Variants in IL31RA observed in about 807,000 individuals in gnomAD.
IL31RA encodes the protein interleukin 31 receptor A.
IL31RA carries 66 observed loss-of-function variants against 83.7 expected under a neutral mutation model. That is an observed-to-expected ratio of 0.79 (90% CI 0.65 to 0.97). The LOEUF is 0.97. IL31RA is among the 50% of genes least tolerant of loss of function. The probability of loss-of-function intolerance (pLI) is 0.00; values close to 1 mark genes in which losing one functional copy is unlikely to be tolerated. For missense variants in IL31RA, 798 were observed against 919.4 expected (o/e 0.87, Z 1.71); for synonymous variants, 325 against 329.0 (o/e 0.99, Z 0.13).
intron 2 of IL31RA, among the ~76,000 whole-genome samples, chr5:55,867,316 T>TGC (rs757948929): frequency 2.2e-4 from 33 of 148,546 alleles, no homozygotes; most frequent in African/African-American, 7.0e-4. Flanking sequence ...TGTGTGTGTG[T>TGC]GCGTGTGTGT....
chr5:55,853,554 CCT>C (rs1745184106), intron 1 of IL31RA: 1 of 1,550,810 alleles, frequency 6.4e-7, no homozygotes. Flanking sequence ...TGGAACATCC[CCT>C]GATACATGAA....
rs201339871 is a variant in IL31RA, at chr5:55,922,393, T to C, written c.*5273T>C. ...ATACTTGTACTATGCATTTCATTTT[T>C]AGGACTAGAATTCTGTCTTCCTGCC... On this transcript the variant is annotated 3_prime_UTR_variant, in exon 15 of 15. Transcript: ENST00000652347. 608 of 1,550,362 alleles carry C rather than the reference T, an allele frequency of 3.9e-4. 1 individual carries two copies. The highest frequency in any genetic ancestry group is 2.4e-4 in the Admixed American group (12 of 51,000).
At chr5:55,844,200 T>G in the IL31RA span, among the ~76,000 whole-genome samples, 1 of 152,064 alleles carries the variant, frequency 6.6e-6, no homozygotes, top group Admixed American at 6.5e-5. Context: ...TTTAAAGTGT[T>G]AAGAGAAAAA....
upstream of IL31RA, among the ~76,000 whole-genome samples, chr5:55,848,628 C>A (rs1240216277): frequency 6.6e-6 from 1 of 152,116 alleles, no homozygotes. Flanking sequence ...TGATGACCAT[C>A]CTTGATGTTA....
rs1353755475 is a variant in IL31RA, at chr5:55,920,166, A to G, written c.*3046A>G. 1.3e-5 allele frequency among the ~76,000 whole-genome samples: 2 copies of G among 152,222 alleles called. No individual in the cohort carries two copies. Among genetic ancestry groups the G allele is most frequent in the South Asian group, 2.1e-4 (1 of 4,818 alleles). On this transcript the variant is annotated 3_prime_UTR_variant, in exon 15 of 15. Transcript: ENST00000652347. Reference sequence around the variant, plus strand: ...CACGCAAGGGTCTGGAGGAGGCAGGAGATGGGGAGAGATGAAAAAGGAGAG... The same window carrying G: ...CACGCAAGGGTCTGGAGGAGGCAGGGGATGGGGAGAGATGAAAAAGGAGAG...
At chr5:55,913,079 TTTTTTGTTTTTG>T (rs140635074) in intron 12 of IL31RA, among the ~76,000 whole-genome samples, 34,129 of 151,292 alleles carry the variant, frequency 0.23, 4,742 homozygotes, top group East Asian at 0.47. Flanking sequence ...CAAAATTCTG[TTTTTTGTTTTTG>T]TTTTTGTTTT....
chr5:55,921,085 C>T lies in IL31RA; in HGVS notation c.*3965C>T, dbSNP rs1158070402. On this transcript the variant is annotated 3_prime_UTR_variant, in exon 15 of 15. Transcript: ENST00000652347. ...TGAGGCTGAGAAGTCGTGGCCTGAA[C>T]TACCCTCTGCCTTCTAGATCCACAC... Among the ~76,000 whole-genome samples the T allele has an allele frequency of 6.6e-6, 1 of 151,960 alleles. No individual in the cohort carries two copies. Among genetic ancestry groups the T allele is most frequent in the Admixed American group, 6.5e-5 (1 of 15,270 alleles).
Position 55,914,913 on chromosome 5 carries a change from T to TGG in IL31RA, c.1804_1805dup (p.Asp603GlufsTer8). Reference sequence around the variant, plus strand: ...CTGAAAGTAGTATAGCCACATGGCATGGAGATGATTTCAAGGTAAACTCTC... The same window carrying TGG: ...CTGAAAGTAGTATAGCCACATGGCATGGGGAGATGATTTCAAGGTAAACTCTC... On this transcript the variant is annotated frameshift_variant, in exon 14 of 15. Transcript: ENST00000652347. LOFTEE classifies it low-confidence loss of function (END_TRUNC). The TGG allele has an allele frequency of 6.2e-7, 1 of 1,612,452 alleles. No individual in the cohort carries two copies. Among genetic ancestry groups the TGG allele is most frequent in the Non-Finnish European group, 8.5e-7 (1 of 1,178,400 alleles).
chr5:55,849,068 T>C (rs1744995986), upstream of IL31RA, among the ~76,000 whole-genome samples: 1 of 152,202 alleles, frequency 6.6e-6, no homozygotes, highest in South Asian at 2.1e-4. Flanking sequence ...TAAAATATAA[T>C]TTTACATTTT....
chr5:55,876,938 T>C (rs964412663), intron 4 of IL31RA, among the ~76,000 whole-genome samples: 1 of 152,140 alleles, frequency 6.6e-6, no homozygotes, highest in African/African-American at 2.4e-5. Flanking sequence ...TCTGTGTATT[T>C]GGGTTGGAGA....
rs1747358870 is a variant in IL31RA, at chr5:55,883,181, A to G, written c.592A>G (p.Asn198Asp). The stretch of plus-strand genomic sequence containing the variant: ...ATACACACTTCGATTCAGGACAGTC[A>G]ACAGTACCAGCTGGGTAAGTTATGC... ...LKYTLRFRTV[N>D]STSWMEVNFA... Residue 198 changes from asparagine (N) to aspartate (D), a missense_variant, in exon 5 of 15, where the codon AAC becomes GAC. Asn to Asp is a conservative substitution (Grantham distance 23). Transcript: ENST00000652347. 8.1e-6 allele frequency: 13 copies of G among 1,613,896 alleles called. No individual in the cohort carries two copies. The East Asian group carries it at 1.8e-4, about 22-fold the overall frequency.
intron 2 of IL31RA, among the ~76,000 whole-genome samples, chr5:55,867,312 T>C (rs1263158436): frequency 1.7e-4 from 25 of 150,066 alleles, no homozygotes; most frequent in African/African-American, 6.2e-4. Flanking sequence ...TGCGTGTGTG[T>C]GTGTGCGTGT....
the IL31RA span, among the ~76,000 whole-genome samples, chr5:55,842,677 C>T: frequency 6.6e-6 from 1 of 152,292 alleles, no homozygotes; most frequent in East Asian, 1.9e-4. Flanking sequence ...ATTTATAGCA[C>T]TTTGTTTACG....
the IL31RA span, among the ~76,000 whole-genome samples, chr5:55,844,230 T>C: frequency 6.6e-6 from 1 of 152,180 alleles, no homozygotes; most frequent in African/African-American, 2.4e-5. Flanking sequence ...CAACCTAGAA[T>C]TGTTTATCCT....
intron 5 of IL31RA, 32 bp from the exon 6 acceptor site, chr5:55,889,938 C>T (rs1048059853): frequency 1.9e-6 from 3 of 1,609,308 alleles, no homozygotes; most frequent in Middle Eastern, 1.7e-4. Flanking sequence ...GTGTGGTCTC[C>T]ATTTCAGTTT....
chr5:55,910,532 C>G lies in IL31RA; in HGVS notation c.1502C>G (p.Ser501Cys). ...FYQAEGGKGF[S>C]KTVNSSILQY... ...TTTGACCTTTGTATTTTTCCTTTAG[C>G]CAAGACAGTCAATTCCAGCATCTTG... The change falls in exon 12 of 15, where the codon TCC becomes TGC. Residue 501 changes from serine to cysteine, a missense_variant and splice_region_variant. By Grantham distance (112) the Ser-to-Cys change is moderately radical (BLOSUM62 -1). Coordinates refer to ENST00000652347, the MANE Select transcript of IL31RA (RefSeq NM_139017.7). 1 of 1,614,082 alleles carries G rather than the reference C, an allele frequency of 6.2e-7. No homozygotes were observed. The highest frequency in any genetic ancestry group is 8.5e-7 in the Non-Finnish European group (1 of 1,180,002).
At chr5:55,864,932 C>T (rs943408362) in intron 2 of IL31RA, among the ~76,000 whole-genome samples, 1 of 152,120 alleles carries the variant, frequency 6.6e-6, no homozygotes, top group African/African-American at 2.4e-5. Flanking sequence ...ATGCACTGTA[C>T]ACGCACTGCC....
rs1044498621 is a variant in IL31RA, at chr5:55,873,611, T to G, written c.454+1160T>G. The stretch of plus-strand genomic sequence containing the variant: ...TATAGCCATCCTAGTGGGTGTGAAG[T>G]GATACCTTGTTATGGTTCTGATTTG... On this transcript the variant is annotated intron_variant, in intron 4 of 14. Coordinates refer to ENST00000652347, the MANE Select transcript of IL31RA (RefSeq NM_139017.7). Among the ~76,000 whole-genome samples, 9 of 152,144 alleles carry G rather than the reference T, an allele frequency of 5.9e-5. No homozygotes were observed. The East Asian group carries it at 9.6e-4, about 16-fold the overall frequency.
rs760692418 is a variant in IL31RA, at chr5:55,885,772, T to C, written c.606+2577T>C. 5.3e-5 allele frequency among the ~76,000 whole-genome samples: 8 copies of C among 152,222 alleles called. No individual in the cohort carries two copies. The East Asian group carries it at 5.8e-4, about 11-fold the overall frequency. On this transcript the variant is annotated intron_variant, in intron 5 of 14. Coordinates refer to ENST00000652347, the MANE Select transcript of IL31RA (RefSeq NM_139017.7). Reference sequence around the variant, plus strand: ...CTTTCTAAGCCAGCTCTGGAACCATTCTCTTTGAACCTGCCTACATGGAAC... The same window carrying C: ...CTTTCTAAGCCAGCTCTGGAACCATCCTCTTTGAACCTGCCTACATGGAAC...
Sources: gnomAD v4.1 joint callset for allele counts (sites outside exome capture counted in the v4.1 genomes callset) on GRCh38, gnomAD v4.1.1 for gene constraint, MANE v1.5 for transcripts, NCBI Gene and HGNC (gene_info 2026-07-23, HGNC 2026-07-21) for gene names.